ANKS1B: variants seen among roughly 807,000 people sequenced by gnomAD.
The protein encoded by ANKS1B is ankyrin repeat and sterile alpha motif domain-containing protein 1B.
Under a neutral mutation model 148.3 loss-of-function variants are expected in ANKS1B, and 36 were observed. That is an observed-to-expected ratio of 0.24 (90% CI 0.19 to 0.32). The LOEUF is 0.32. Among genes scored for constraint, ANKS1B ranks in the 10% least tolerant of loss-of-function variants. ANKS1B has a pLI of 1.00. For missense variants in ANKS1B, 1,157 were observed against 1,542.6 expected (o/e 0.75, Z 4.19); for synonymous variants, 542 against 560.8 (o/e 0.97, Z 0.47).
At chr12:99,278,229 G>A (rs575945126) in intron 12 of ANKS1B, among the ~76,000 whole-genome samples, 1 of 152,242 alleles carries the variant, frequency 6.6e-6, no homozygotes, top group East Asian at 1.9e-4. Flanking sequence ...ACCACATACA[G>A]GCCTGGCCCA....
At chr12:99,380,693 AAACTT>A (rs2093603462) in intron 12 of ANKS1B, among the ~76,000 whole-genome samples, 1 of 150,372 alleles carries the variant, frequency 6.7e-6, no homozygotes. Context: ...AGCCACACCT[AAACTT>A]ATTTTGGCTT....
intron 17 of ANKS1B, among the ~76,000 whole-genome samples, chr12:98,961,240 G>C (rs933280619): frequency 6.6e-6 from 1 of 152,064 alleles, no homozygotes. Context: ...GATAAAGAAA[G>C]GTTCGGAAGA....
At chr12:98,918,168 T>C (rs893169892) in intron 17 of ANKS1B, among the ~76,000 whole-genome samples, 2 of 152,254 alleles carry the variant, frequency 1.3e-5, no homozygotes, top group African/African-American at 4.8e-5. Flanking sequence ...GATATACCCC[T>C]GCACCTCCCC....
Position 99,307,714 on chromosome 12 carries a change from C to CT in ANKS1B, c.1757-60851dup, listed in dbSNP as rs558467568. On this transcript the variant is annotated intron_variant, in intron 12 of 26. Coordinates refer to ENST00000683438, the MANE Select transcript of ANKS1B (RefSeq NM_001352186.2). ...TCTGGAGCTTAGCTCAACTGAATGT[C>CT]TTTTTTTTTTTTCTTTCAAGAATTG... is the stretch of plus-strand genomic sequence containing the variant. Among the ~76,000 whole-genome samples the CT allele has an allele frequency of 5.0e-3, 718 of 144,264 alleles. 3 individuals carry two copies. The highest frequency in any genetic ancestry group is 0.015 in the African/African-American group (610 of 39,574). The allele number at this position is 144,264 out of a possible 152,430, so 94.6% of individuals were successfully genotyped here. A position where few individuals can be genotyped will look rare whatever the true frequency, so the allele number is the denominator to read the frequency against.
At chr12:99,908,537 C>T (rs769504451) in intron 1 of ANKS1B, among the ~76,000 whole-genome samples, 1 of 152,062 alleles carries the variant, frequency 6.6e-6, no homozygotes, top group East Asian at 1.9e-4. Context: ...ACCATGATCA[C>T]GCCACTGCAC....
chr12:99,149,919 T>C (rs1377076716), intron 15 of ANKS1B, among the ~76,000 whole-genome samples: 1 of 152,166 alleles, frequency 6.6e-6, no homozygotes, highest in Non-Finnish European at 1.5e-5. Context: ...GTAGTGTGTG[T>C]GCACCCATGT....
intron 8 of ANKS1B, among the ~76,000 whole-genome samples, chr12:99,688,640 C>A (rs931094845): frequency 1.3e-5 from 2 of 152,010 alleles, no homozygotes; most frequent in African/African-American, 2.4e-5. Context: ...AGTTCGAGAC[C>A]AGCCTGGGCA....
At chr12:98,797,236 C>A (rs1376716106) in intron 22 of ANKS1B, among the ~76,000 whole-genome samples, 1 of 152,156 alleles carries the variant, frequency 6.6e-6, no homozygotes, top group Non-Finnish European at 1.5e-5. Flanking sequence ...CTAATGTTCT[C>A]ATTTTATATG....
At chr12:99,141,411 T>A (rs1010388867) in intron 15 of ANKS1B, among the ~76,000 whole-genome samples, 1 of 151,976 alleles carries the variant, frequency 6.6e-6, no homozygotes, top group Non-Finnish European at 1.5e-5. Context: ...TTCTTTTTTT[T>A]TTTTTCACCT....
In ANKS1B at chr12:99,911,765, C is replaced by T. The variant is rs549769172; in HGVS notation, c.134+72339G>A. Among the ~76,000 whole-genome samples, 5 of 152,226 alleles carry T rather than the reference C, an allele frequency of 3.3e-5. No homozygotes were observed. In the South Asian group the frequency reaches 1.0e-3, roughly 32 times the overall value. ...GTCAAATTTGTTCCATCTATATACC[C>T]TCCCACTTTGAAGAAAATCCATGGC... is the stretch of plus-strand genomic sequence containing the variant. On this transcript the variant is annotated intron_variant, in intron 1 of 26. Coordinates refer to ENST00000683438, the MANE Select transcript of ANKS1B (RefSeq NM_001352186.2).
intron 14 of ANKS1B, among the ~76,000 whole-genome samples, chr12:99,183,001 T>C (rs1282894015): frequency 3.9e-5 from 6 of 152,222 alleles, no homozygotes; most frequent in African/African-American, 1.4e-4. Flanking sequence ...CAGTTTTAAA[T>C]CAAATTATTA....
chr12:99,933,689 G>T (rs2094684852), intron 1 of ANKS1B, among the ~76,000 whole-genome samples: 1 of 151,980 alleles, frequency 6.6e-6, no homozygotes, highest in Non-Finnish European at 1.5e-5. Flanking sequence ...CTGCAAACAA[G>T]GATAATTTGA....
chr12:99,544,310 T>C (rs898864783), intron 9 of ANKS1B, among the ~76,000 whole-genome samples: 1 of 152,118 alleles, frequency 6.6e-6, no homozygotes, highest in African/African-American at 2.4e-5. Context: ...TGACAGTCAA[T>C]GTAGTAGGTT....
At chr12:99,239,082 G>A (rs1356537598) in intron 14 of ANKS1B, among the ~76,000 whole-genome samples, 2 of 152,306 alleles carry the variant, frequency 1.3e-5, no homozygotes, top group East Asian at 3.9e-4. Context: ...TGAGTTGACA[G>A]AAGTAGCCTT....
At chr12:98,996,418 TCTC>T (rs1405050327) in intron 17 of ANKS1B, among the ~76,000 whole-genome samples, 2 of 152,032 alleles carry the variant, frequency 1.3e-5, no homozygotes. Context: ...TCCCAGCACT[TCTC>T]CTCTTCACCC....
At chr12:99,341,261 G>C (rs2089867042) in intron 12 of ANKS1B, 1 of 152,112 alleles carries the variant, frequency 6.6e-6, no homozygotes, top group African/African-American at 2.4e-5. Flanking sequence ...ATTTGGAGCA[G>C]AAGTGAATCA....
intron 12 of ANKS1B, among the ~76,000 whole-genome samples, chr12:99,275,592 T>C (rs566313959): frequency 2.0e-5 from 3 of 152,346 alleles, no homozygotes; most frequent in South Asian, 2.1e-4. Context: ...CATTTGTTTG[T>C]TGATGGACAC....
chr12:99,864,847 T>C (rs2090521474), intron 1 of ANKS1B, among the ~76,000 whole-genome samples: 1 of 152,236 alleles, frequency 6.6e-6, no homozygotes, highest in Non-Finnish European at 1.5e-5. Context: ...CAGAATGCAC[T>C]GATGACAATA....
intron 5 of ANKS1B, among the ~76,000 whole-genome samples, chr12:99,780,517 C>T (rs2064176955): frequency 6.6e-6 from 1 of 151,888 alleles, no homozygotes. Context: ...ATCCTGACCT[C>T]GTGATCTGCC....
Sources: allele counts gnomAD v4.1 joint callset (sites outside exome capture counted in the v4.1 genomes callset), GRCh38; gene constraint gnomAD v4.1.1; transcripts MANE v1.5; gene names NCBI Gene and HGNC (gene_info 2026-07-23, HGNC 2026-07-21).